DHX29: variants seen among roughly 807,000 people sequenced by gnomAD.
DHX29 encodes the protein ATP-dependent RNA helicase DHX29.
Under a neutral mutation model 167.9 loss-of-function variants are expected in DHX29, and 79 were observed. That is an observed-to-expected ratio of 0.47 (90% CI 0.39 to 0.57). The LOEUF (loss-of-function observed/expected upper bound fraction) is 0.57. Among genes scored for constraint, DHX29 ranks in the 20% least tolerant of loss-of-function variants. The probability of loss-of-function intolerance (pLI) is 0.00; values close to 1 mark genes in which losing one functional copy is unlikely to be tolerated. For synonymous variants in DHX29, 530 were observed against 546.0 expected (o/e 0.97, Z 0.41); for missense variants, 1,347 against 1,593.4 (o/e 0.85, Z 2.63).
chr5:55,305,507 T>C (rs896167489), intron 1 of DHX29, among the ~76,000 whole-genome samples: 1 of 152,208 alleles, frequency 6.6e-6, no homozygotes, highest in African/African-American at 2.4e-5. Flanking sequence ...TCAGTGAGGA[T>C]GCCATGGAAG....
At chr5:55,280,910 A>T (rs557889659) in intron 12 of DHX29, among the ~76,000 whole-genome samples, 2 of 152,148 alleles carry the variant, frequency 1.3e-5, no homozygotes, top group African/African-American at 4.8e-5. Context: ...GAAACTACTG[A>T]CTCAAAGCTG....
intron 14 of DHX29, among the ~76,000 whole-genome samples, chr5:55,275,777 GTGTGTC>G (rs1483397920): frequency 1.4e-4 from 22 of 152,122 alleles, no homozygotes; most frequent in African/African-American, 3.4e-4. Flanking sequence ...ATGTATGTGT[GTGTGTC>G]TGTCTGTCTA....
chr5:55,262,435 T>C (rs1232473022), intron 24 of DHX29, among the ~76,000 whole-genome samples, 195 bp downstream of exon 24: 2 of 152,206 alleles, frequency 1.3e-5, no homozygotes, highest in African/African-American at 4.8e-5. Flanking sequence ...AGTAGAAACC[T>C]TACTATTTGT....
intron 2 of DHX29, among the ~76,000 whole-genome samples, chr5:55,298,194 G>A (rs1463679777): frequency 6.6e-6 from 1 of 152,030 alleles, no homozygotes; most frequent in Non-Finnish European, 1.5e-5. Flanking sequence ...GGAAATAAGG[G>A]CACTCTACGC....
At chr5:55,303,658 A>G (rs1280555112) in intron 1 of DHX29, among the ~76,000 whole-genome samples, 1 of 152,186 alleles carries the variant, frequency 6.6e-6, no homozygotes. Flanking sequence ...TCTTCGCTCC[A>G]GCCACACAGC....
At chr5:55,307,224 T>C (rs1209225492) in intron 1 of DHX29, among the ~76,000 whole-genome samples, 163 bp downstream of exon 1, 1 of 152,224 alleles carries the variant, frequency 6.6e-6, no homozygotes, top group East Asian at 1.9e-4. Context: ...GAGCTTAGAC[T>C]TTTTTAATCT....
intron 10 of DHX29, 30 bp from the exon 11 acceptor site, chr5:55,283,841 C>T (rs1393107513): frequency 1.3e-6 from 2 of 1,525,640 alleles, no homozygotes; most frequent in Non-Finnish European, 1.8e-6. Context: ...ATGTTATTTT[C>T]ACTAACTATT....
chr5:55,273,667 A>C (rs1259513096), intron 16 of DHX29, among the ~76,000 whole-genome samples: 1 of 152,196 alleles, frequency 6.6e-6, no homozygotes, highest in African/African-American at 2.4e-5. Context: ...AACATATAGT[A>C]AACAGCTGAT....
intron 13 of DHX29, 140 bp from the exon 14 acceptor site, chr5:55,276,546 T>C (rs1747126615): frequency 3.1e-6 from 2 of 648,250 alleles, no homozygotes; most frequent in African/African-American, 3.8e-5. Flanking sequence ...TTTAGTATTA[T>C]TTGGGAATGA....
intron 6 of DHX29, among the ~76,000 whole-genome samples, chr5:55,293,190 A>G (rs1382492537): frequency 6.6e-6 from 1 of 152,252 alleles, no homozygotes; most frequent in Non-Finnish European, 1.5e-5. Flanking sequence ...GTTGACAGAC[A>G]TATGGGCTGT....
intron 1 of DHX29, among the ~76,000 whole-genome samples, chr5:55,302,038 A>G (rs1224047852): frequency 6.6e-6 from 1 of 152,228 alleles, no homozygotes; most frequent in African/African-American, 2.4e-5. Context: ...CTATAGTTAT[A>G]TCGGAGGTAC....
rs769291732 is a variant in DHX29 at position 55,256,532 on chromosome 5, T to A, written c.4066A>T (p.Ile1356Phe). The change falls in exon 27 of 27, where the codon ATT (isoleucine) becomes TTT (phenylalanine). Residue 1356 changes from isoleucine to phenylalanine, a missense_variant. Physicochemically the swap from Ile to Phe is conservative, Grantham distance 21. Coordinates refer to ENST00000251636, the MANE Select transcript of DHX29 (RefSeq NM_019030.4). ...NPKMSLENDK[I>F]LQIITELIKT... The stretch of plus-strand genomic sequence containing the variant: ...ATCAATTCCGTAATGATCTGCAGAA[T>A]CTTGTCATCTGAGTGGAAGGAAAAA... 3 of 1,593,102 alleles carry A rather than the reference T, an allele frequency of 1.9e-6. No homozygotes were observed. Among genetic ancestry groups the A allele is most frequent in the Admixed American group, 1.8e-5 (1 of 55,758 alleles).
In DHX29 at chr5:55,261,594, A is replaced by G. The variant is rs1398850207; in HGVS notation, c.3829-95T>C. 4.2e-5 allele frequency: 34 copies of G among 812,620 alleles called. 1 individual carries two copies. The East Asian group carries it at 8.3e-4, about 20-fold the overall frequency. 50.3% of individuals were successfully genotyped at this position (812,620 alleles called of 1,614,324 possible). A position where few individuals can be genotyped will look rare whatever the true frequency, so the allele number is the denominator to read the frequency against. On this transcript the variant is annotated intron_variant, in intron 24 of 26. Transcript: ENST00000251636. ...AGTAAGCATTTTTCTACAATTTGTT[A>G]TTCTACATTTTAAGCTCAGAGTATT...
chr5:55,298,568 G>A, intron 2 of DHX29, 23 bp downstream of exon 2: 1 of 1,363,852 alleles, frequency 7.3e-7, no homozygotes, highest in Non-Finnish European at 1.0e-6. Flanking sequence ...TTCTTGAAAT[G>A]ACTCAAAACC....
Position 55,267,758 on chromosome 5 carries a change from T to C in DHX29, c.3359A>G (p.Glu1120Gly). The C allele has an allele frequency of 6.2e-7, 1 of 1,609,808 alleles. No homozygotes were observed. The change falls in exon 22 of 27, where the codon GAA (glutamate) becomes GGA (glycine). Residue 1120 changes from glutamate to glycine, a missense_variant. This residue lies in a region of DHX29 where 882 missense variants were observed against 1,082.4 expected (regional missense o/e 0.81). Transcript: ENST00000251636. ...PFTTPIGRKD[E>G]ADLAKSALAM... ...CAAAGCTGATTTTGCAAGATCTGCTTCATCTTTTCGACCAATTGGTGTGGT... is the reference window on the plus strand; with the variant it reads ...CAAAGCTGATTTTGCAAGATCTGCTCCATCTTTTCGACCAATTGGTGTGGT...
Position 55,270,271 on chromosome 5 carries a change from T to A in DHX29, c.3069+141A>T. 3.2e-6 allele frequency: 3 copies of A among 930,694 alleles called. No individual in the cohort carries two copies. The East Asian group carries it at 8.0e-5, about 25-fold the overall frequency. The allele number at this position is 930,694 out of a possible 1,614,324, so 57.7% of individuals were successfully genotyped here. ...CAAAACACAGTGGATTTACTTATAATAAGATGGATAAGGGCATATATTAAA... is the reference window on the plus strand; with the variant it reads ...CAAAACACAGTGGATTTACTTATAAAAAGATGGATAAGGGCATATATTAAA... On this transcript the variant is annotated intron_variant, in intron 20 of 26. Coordinates refer to ENST00000251636, the MANE Select transcript of DHX29 (RefSeq NM_019030.4).
intron 1 of DHX29, among the ~76,000 whole-genome samples, chr5:55,304,584 G>C (rs1285749587): frequency 6.6e-6 from 1 of 152,036 alleles, no homozygotes; most frequent in Non-Finnish European, 1.5e-5. Flanking sequence ...ACAAGCGTGA[G>C]CCACTGCGCC....
rs112122880 is a variant in DHX29, at chr5:55,302,983, T to C, written c.188-4319A>G. ...GCAATATCTCCAAGGCAAAGTATTA[T>C]GAATTCCAAATTTATAAATGAAAGG... On this transcript the variant is annotated intron_variant, in intron 1 of 26. Transcript: ENST00000251636. Among the ~76,000 whole-genome samples the C allele has an allele frequency of 2.4e-3, 364 of 152,308 alleles. 2 individuals are homozygous for C. The Middle Eastern group carries it at 0.024, about 10-fold the overall frequency.
At position 55,274,709 on chromosome 5, in the gene DHX29, A is replaced by G. The variant is rs1747019697; in HGVS notation, c.2595T>C (p.Asn865=). ...AAAAGATCAATACTGCTCCTTCAATATTTCTGAATTGGGGACTTTTATCTG... is the reference window on the plus strand; with the variant it reads ...AAAAGATCAATACTGCTCCTTCAATGTTTCTGAATTGGGGACTTTTATCTG... The part of the protein sequence containing the change: ...AYLDKSPQFR[N]IEGAVLIFLP... The change falls in exon 16 of 27, where the codon AAT becomes AAC. Residue 865 remains asparagine, a synonymous_variant. Coordinates refer to ENST00000251636, the MANE Select transcript of DHX29 (RefSeq NM_019030.4). The G allele has an allele frequency of 6.3e-6, 10 of 1,593,276 alleles. No homozygotes were observed. The highest frequency in any genetic ancestry group is 8.5e-6 in the Non-Finnish European group (10 of 1,173,748).
Sources: gnomAD v4.1 joint callset for allele counts (sites outside exome capture counted in the v4.1 genomes callset) on GRCh38, gnomAD v4.1.1 for gene constraint, gnomAD v4.1.1 regional missense constraint, MANE v1.5 for transcripts, NCBI Gene and HGNC (gene_info 2026-07-23, HGNC 2026-07-21) for gene names.